Variants in MPHOSPH9 observed in about 807,000 individuals in gnomAD.
MPHOSPH9 encodes M-phase phosphoprotein 9.
In MPHOSPH9, 88 loss-of-function variants were observed where a neutral mutation model predicts 145.5. That is an observed-to-expected ratio of 0.60 (90% CI 0.51 to 0.72). The LOEUF is 0.72. Ranked by LOEUF, MPHOSPH9 falls within the 30% of genes least tolerant of loss-of-function variation. The pLI, the probability that MPHOSPH9 is intolerant of heterozygous loss-of-function variation, is 0.00. For synonymous variants in MPHOSPH9, 435 were observed against 486.2 expected (o/e 0.89, Z 1.39); for missense variants, 1,238 against 1,386.6 (o/e 0.89, Z 1.70).
intron 20 of MPHOSPH9, 110 bp downstream of exon 20, chr12:123,162,904 A>T: frequency 9.6e-7 from 1 of 1,039,538 alleles, no homozygotes; most frequent in South Asian, 2.1e-5. Flanking sequence ...TGAAATTCAC[A>T]GAGTTCCCAC....
chr12:123,196,788 G>A (rs1224260069), intron 12 of MPHOSPH9, among the ~76,000 whole-genome samples: 2 of 152,096 alleles, frequency 1.3e-5, no homozygotes, highest in Admixed American at 1.3e-4. Flanking sequence ...ACAAAAATGT[G>A]GTATTATTCA....
chr12:123,176,823 A>G (rs1009177566), intron 15 of MPHOSPH9, 34 bp from the exon 16 acceptor site: 1 of 1,487,606 alleles, frequency 6.7e-7, no homozygotes. Flanking sequence ...AATTAAGTAC[A>G]TTTCAACAAA....
intron 23 of MPHOSPH9, among the ~76,000 whole-genome samples, chr12:123,157,605 C>T (rs1220110593): frequency 6.6e-6 from 1 of 152,028 alleles, no homozygotes; most frequent in Non-Finnish European, 1.5e-5. Flanking sequence ...CTTAGCCTCT[C>T]GAGTATCTGA....
At chr12:123,169,607 T>A (rs1253034287) in intron 16 of MPHOSPH9, among the ~76,000 whole-genome samples, 1 of 152,136 alleles carries the variant, frequency 6.6e-6, no homozygotes, top group Non-Finnish European at 1.5e-5. Context: ...CTTGCCAATT[T>A]TTTTTTTTCT....
At chr12:123,162,654 A>G in intron 20 of MPHOSPH9, 1 of 201,816 alleles carries the variant, frequency 5.0e-6, no homozygotes. Flanking sequence ...ACAGGTAAAC[A>G]TGCATTTGGT....
At chr12:123,167,865 CCT>C in intron 16 of MPHOSPH9, among the ~76,000 whole-genome samples, 1 of 152,282 alleles carries the variant, frequency 6.6e-6, no homozygotes, top group East Asian at 1.9e-4. Context: ...TTTCTCCACA[CCT>C]ATGCCTGTTC....
At chr12:123,238,256 C>T (rs1413228241) in intron 1 of MPHOSPH9, among the ~76,000 whole-genome samples, 1 of 152,130 alleles carries the variant, frequency 6.6e-6, no homozygotes, top group Non-Finnish European at 1.5e-5. Context: ...TCATTTTCCC[C>T]TCACTTAGCT....
intron 7 of MPHOSPH9, among the ~76,000 whole-genome samples, chr12:123,211,560 T>C (rs2046719165): frequency 6.6e-6 from 1 of 151,790 alleles, no homozygotes; most frequent in African/African-American, 2.4e-5. Flanking sequence ...TTGGCCATGT[T>C]ACCCAGGCTG....
chr12:123,220,799 T>C (rs2138587995), intron 5 of MPHOSPH9, among the ~76,000 whole-genome samples: 1 of 152,104 alleles, frequency 6.6e-6, no homozygotes, highest in South Asian at 2.1e-4. Context: ...CTCACACCTG[T>C]AATCCCAGCA....
Position 123,217,140 on chromosome 12 carries a change from T to C in MPHOSPH9, c.996+1236A>G, listed in dbSNP as rs367904629. ...AGCTGCTAGCTTAGCAAAAGGGCCA[T>C]ACAGAATTTCAACATTTAATCTCTC... On this transcript the variant is annotated intron_variant, in intron 6 of 23. Transcript: ENST00000606320. 4.7e-4 allele frequency among the ~76,000 whole-genome samples: 72 copies of C among 152,214 alleles called. 1 individual carries two copies. The Middle Eastern group carries it at 0.017, about 36-fold the overall frequency.
In MPHOSPH9 at chr12:123,165,362, C is replaced by G. The variant is rs2044272630; in HGVS notation, c.2707G>C (p.Asp903His). 1 of 1,613,966 alleles carries G rather than the reference C, an allele frequency of 6.2e-7. No individual in the cohort carries two copies. Among genetic ancestry groups the G allele is most frequent in the Admixed American group, 1.7e-5 (1 of 59,988 alleles). The change falls in exon 18 of 24, where the codon GAT becomes CAT. Residue 903 changes from aspartate to histidine, a missense_variant. This residue lies in a region of MPHOSPH9 where 393 missense variants were observed against 462.5 expected (regional missense o/e 0.85). Coordinates refer to ENST00000606320, the MANE Select transcript of MPHOSPH9 (RefSeq NM_022782.4). The stretch of plus-strand genomic sequence containing the variant: ...CAATTTTTAAATATTTTTCCCTCAT[C>G]AAGTTCTTTTAAAGCTCTCATGATC... Reference protein sequence around the residue: ...TPIMRALKELDEGKIFKNWGT... With the variant: ...TPIMRALKELHEGKIFKNWGT...
chr12:123,198,329 C>T lies in MPHOSPH9; in HGVS notation c.1943G>A (p.Gly648Asp), dbSNP rs1271788359. 1.9e-6 allele frequency: 3 copies of T among 1,609,532 alleles called. No homozygotes were observed. Among genetic ancestry groups the T allele is most frequent in the Admixed American group, 1.7e-5 (1 of 59,304 alleles). The stretch of plus-strand genomic sequence containing the variant: ...TTCATGCAAAGCACTATCTAATTGG[C>T]CACATCTAAAAACCATAAATTTAGC... ...ITNQILVDRC[G>D]QLDSALHEAT... The change falls in exon 12 of 24, where the codon GGC (glycine) becomes GAC (aspartate). Residue 648 changes from glycine to aspartate, a missense_variant. By Grantham distance (94) the Gly-to-Asp change is moderately conservative. Coordinates refer to ENST00000606320, the MANE Select transcript of MPHOSPH9 (RefSeq NM_022782.4).
Position 123,194,489 on chromosome 12 carries a change from A to G in MPHOSPH9, c.2138T>C (p.Leu713Pro), listed in dbSNP as rs1461645964. The G allele has an allele frequency of 3.1e-6, 5 of 1,611,784 alleles. No individual in the cohort carries two copies. The African/African-American group carries it at 6.7e-5, about 22-fold the overall frequency. Residue 713 changes from leucine to proline, a missense_variant, in exon 13 of 24, where the codon CTA becomes CCA. Transcript: ENST00000606320. ...SKEKDNTIIR[L>P]KSRLQDLEEA... ...TTCTAAATCTTGCAGTCTAGATTTT[A>G]GTCGAATGATGGTATTGTCTTTTTC...
At chr12:123,160,872 T>A in intron 22 of MPHOSPH9, 23 bp from the exon 23 acceptor site, 4 of 1,610,140 alleles carry the variant, frequency 2.5e-6, no homozygotes, top group Non-Finnish European at 3.4e-6. Context: ...GAAAAAAATA[T>A]GTTTAAATTA....
intron 12 of MPHOSPH9, among the ~76,000 whole-genome samples, chr12:123,194,963 A>G (rs1368621170): frequency 6.6e-6 from 1 of 152,184 alleles, no homozygotes; most frequent in Non-Finnish European, 1.5e-5. Flanking sequence ...CCTTAATAAT[A>G]GCTAATAAAT....
At chr12:123,210,977 CTTTTTTTTTTT>C (rs907442708) in intron 7 of MPHOSPH9, among the ~76,000 whole-genome samples, 10 of 89,788 alleles carry the variant, frequency 1.1e-4, no homozygotes, top group African/African-American at 2.3e-4. Context: ...TTTGTTTTTT[CTTTTTTTTTTT>C]TTTTTTTTTT....
chr12:123,231,299 A>C (rs1289424919), intron 1 of MPHOSPH9, among the ~76,000 whole-genome samples: 1 of 152,158 alleles, frequency 6.6e-6, no homozygotes, highest in African/African-American at 2.4e-5. Flanking sequence ...ATATAATTCT[A>C]TTATGTAACA....
At chr12:123,200,429 C>T (rs1277464959) in intron 11 of MPHOSPH9, among the ~76,000 whole-genome samples, 4 of 152,066 alleles carry the variant, frequency 2.6e-5, no homozygotes, top group Non-Finnish European at 5.9e-5. Flanking sequence ...TTATTAACTG[C>T]TATAATACAG....
chr12:123,221,010 G>A (rs2047175715), intron 5 of MPHOSPH9, among the ~76,000 whole-genome samples: 2 of 152,192 alleles, frequency 1.3e-5, no homozygotes. Flanking sequence ...AGCCGAGATT[G>A]CGCCACTGCA....
Sources: allele counts gnomAD v4.1 joint callset (sites outside exome capture counted in the v4.1 genomes callset), GRCh38; gene constraint gnomAD v4.1.1; regional missense constraint gnomAD v4.1.1; transcripts MANE v1.5; gene names NCBI Gene and HGNC (gene_info 2026-07-23, HGNC 2026-07-21).